CSMD1: variants seen among roughly 807,000 people sequenced by gnomAD.
CSMD1 encodes CUB and Sushi multiple domains 1, also known as CUB and sushi domain-containing protein 1.
In CSMD1, 213 loss-of-function variants were observed where a neutral mutation model predicts 417.5. The ratio of observed to expected loss-of-function variants is 0.51; its 90% CI spans 0.46 to 0.57. The LOEUF is 0.57. Ranked by LOEUF, CSMD1 falls within the 20% of genes least tolerant of loss-of-function variation. The pLI is 0.00. For missense variants in CSMD1, 6,923 were observed against 4,529.7 expected (o/e 1.53, Z -15.17); for synonymous variants, 2,862 against 1,736.8 (o/e 1.65, Z -16.11).
At chr8:4,036,541 A>T (rs1472238576) in intron 3 of CSMD1, among the ~76,000 whole-genome samples, 1 of 152,228 alleles carries the variant, frequency 6.6e-6, no homozygotes, top group Non-Finnish European at 1.5e-5. Flanking sequence ...ATTGAATATG[A>T]AAAATATTTA....
intron 3 of CSMD1, among the ~76,000 whole-genome samples, chr8:4,172,465 C>A (rs963641802): frequency 2.2e-4 from 34 of 151,916 alleles, no homozygotes; most frequent in African/African-American, 7.7e-4. Context: ...TTACAACAGA[C>A]ACTATCTTAT....
At chr8:3,052,785 C>CT (rs1166776291) in intron 49 of CSMD1, 138 bp from the exon 50 acceptor site, 1,836 of 232,678 alleles carry the variant, frequency 7.9e-3, no homozygotes, top group Middle Eastern at 0.014. Flanking sequence ...TTTTTTCTTT[C>CT]TTTTTTTTTT....
chr8:4,994,691 G>C lies in CSMD1; in HGVS notation c.-275C>G, dbSNP rs1811663884. 2 of 396,224 alleles carry C rather than the reference G, an allele frequency of 5.0e-6. No homozygotes were observed. The highest frequency in any genetic ancestry group is 8.2e-5 in the South Asian group (2 of 24,470). 24.5% of individuals were successfully genotyped at this position (396,224 alleles called of 1,614,324 possible). On this transcript the variant is annotated 5_prime_UTR_variant, in exon 1 of 70. Transcript: ENST00000635120. ...GCCGGGGACGAGCGCCGGCCGAGCC[G>C]GGCAGGAAGGCACCAAGGCGGCGAG...
intron 3 of CSMD1, among the ~76,000 whole-genome samples, chr8:4,411,089 C>A (rs927008668): frequency 3.9e-5 from 6 of 152,104 alleles, no homozygotes; most frequent in African/African-American, 1.4e-4. Context: ...CCAAGGCCCC[C>A]TCCACGTGTG....
At chr8:3,681,687 C>T (rs1393849314) in intron 7 of CSMD1, among the ~76,000 whole-genome samples, 1 of 152,144 alleles carries the variant, frequency 6.6e-6, no homozygotes, top group Non-Finnish European at 1.5e-5. Flanking sequence ...TGGAAAAAAA[C>T]TACTTTAAAG....
chr8:3,766,522 G>A (rs1350671687), intron 5 of CSMD1, among the ~76,000 whole-genome samples: 1 of 152,006 alleles, frequency 6.6e-6, no homozygotes, highest in Non-Finnish European at 1.5e-5. Flanking sequence ...ATAATACTTG[G>A]ACATTTGAAA....
At chr8:3,645,690 G>C (rs1001290495) in intron 7 of CSMD1, among the ~76,000 whole-genome samples, 1 of 152,178 alleles carries the variant, frequency 6.6e-6, no homozygotes, top group African/African-American at 2.4e-5. Flanking sequence ...CATTGCCTTT[G>C]AAAGAACTTT....
At chr8:3,950,464 T>A (rs533692844) in intron 5 of CSMD1, among the ~76,000 whole-genome samples, 1 of 152,322 alleles carries the variant, frequency 6.6e-6, no homozygotes, top group South Asian at 2.1e-4. Context: ...GTGGTTCAGC[T>A]GCTAATGCAC....
chr8:4,322,520 AT>A (rs1210342390), intron 3 of CSMD1, among the ~76,000 whole-genome samples: 1 of 152,218 alleles, frequency 6.6e-6, no homozygotes, highest in Non-Finnish European at 1.5e-5. Flanking sequence ...GGAAGGCTGT[AT>A]AAAAACATAA....
At chr8:3,584,514 T>C (rs1316041648) in intron 9 of CSMD1, among the ~76,000 whole-genome samples, 3 of 148,296 alleles carry the variant, frequency 2.0e-5, no homozygotes, top group East Asian at 4.0e-4. Context: ...GGAGCAGCTG[T>C]TTCCTAAGTG....
intron 2 of CSMD1, among the ~76,000 whole-genome samples, chr8:4,459,375 G>A (rs749836033): frequency 6.6e-6 from 1 of 152,226 alleles, no homozygotes; most frequent in African/African-American, 2.4e-5. Flanking sequence ...GTTTACTCAT[G>A]AAACAAGAAT....
chr8:4,382,480 T>G lies in CSMD1; in HGVS notation c.415+37473A>C, dbSNP rs1302290383. ...ATAATATAGACCATTAACTCTACAT[T>G]CCAACCACCTAAACTCTCTGTTCAC... On this transcript the variant is annotated intron_variant, in intron 3 of 69. Coordinates refer to ENST00000635120, the MANE Select transcript of CSMD1 (RefSeq NM_033225.6). Among the ~76,000 whole-genome samples, 4 of 152,118 alleles carry G rather than the reference T, an allele frequency of 2.6e-5. No individual in the cohort carries two copies. The South Asian group carries it at 6.2e-4, about 24-fold the overall frequency.
intron 1 of CSMD1, among the ~76,000 whole-genome samples, chr8:4,835,742 TG>T (rs1269380637): frequency 6.6e-6 from 1 of 151,968 alleles, no homozygotes; most frequent in Non-Finnish European, 1.5e-5. Context: ...CTCTCTCAGG[TG>T]GTAGACACCA....
At chr8:3,385,257 A>G (rs947221221) in intron 18 of CSMD1, among the ~76,000 whole-genome samples, 15 of 149,248 alleles carry the variant, frequency 1.0e-4, no homozygotes, top group African/African-American at 3.7e-4. Flanking sequence ...GTATGTATAC[A>G]TGTGTATGTA....
At chr8:3,523,898 T>C (rs1396245873) in intron 10 of CSMD1, among the ~76,000 whole-genome samples, 2 of 141,646 alleles carry the variant, frequency 1.4e-5, no homozygotes, top group African/African-American at 2.7e-5. Flanking sequence ...CAGAGACATA[T>C]GCACACATGT....
At chr8:3,459,898 A>G (rs926858236) in intron 12 of CSMD1, among the ~76,000 whole-genome samples, 6 of 152,176 alleles carry the variant, frequency 3.9e-5, no homozygotes, top group African/African-American at 1.4e-4. Flanking sequence ...TGGTCCTAAG[A>G]TTATTGATAA....
chr8:4,485,561 T>C (rs1402413211), intron 2 of CSMD1, among the ~76,000 whole-genome samples: 1 of 152,158 alleles, frequency 6.6e-6, no homozygotes, highest in African/African-American at 2.4e-5. Context: ...ATTGGGTGAC[T>C]TTATTTCTTG....
chr8:3,334,144 T>A (rs1254159921), intron 23 of CSMD1, among the ~76,000 whole-genome samples: 2 of 152,168 alleles, frequency 1.3e-5, no homozygotes, highest in Non-Finnish European at 2.9e-5. Flanking sequence ...TGGGAGAGGA[T>A]GCCAGAAGAA....
chr8:4,262,348 G>C (rs1444381641), intron 3 of CSMD1, among the ~76,000 whole-genome samples: 1 of 152,076 alleles, frequency 6.6e-6, no homozygotes, highest in Admixed American at 6.5e-5. Flanking sequence ...TCTGCAATCT[G>C]GGATTCCCAG....
Sources: gnomAD v4.1 joint callset for allele counts (sites outside exome capture counted in the v4.1 genomes callset) on GRCh38, gnomAD v4.1.1 for gene constraint, MANE v1.5 for transcripts, NCBI Gene and HGNC (gene_info 2026-07-23, HGNC 2026-07-21) for gene names.